The following TTN variants were observed in gnomAD, a reference collection of about 807,000 sequenced individuals.
The protein encoded by TTN is titin, also known as connectin.
A neutral mutation model predicts 3,223.0 loss-of-function variants in TTN; 1,525 were observed. The ratio of observed to expected loss-of-function variants is 0.47; its 90% CI spans 0.45 to 0.49. The LOEUF is 0.49. Among genes scored for constraint, TTN ranks in the 20% least tolerant of loss-of-function variants. The pLI is 0.00. For missense variants in TTN, 40,786 were observed against 43,424.0 expected (o/e 0.94, Z 5.40); for synonymous variants, 14,094 against 15,161.0 (o/e 0.93, Z 5.17).
Position 178,775,929 on chromosome 2 carries a change from A to G in TTN, c.5935T>C (p.Leu1979=), listed in dbSNP as rs776280604. The G allele has an allele frequency of 6.2e-7, 1 of 1,613,956 alleles. No homozygotes were observed. The stretch of plus-strand genomic sequence containing the variant: ...TGGGTAATTCTTTCAGCCCTTTTCA[A>G]CTTCACAACTTCTTTGGTTTCAGTG... ...DTTETKEVVK[L]KRAERITHEK... is the part of the protein sequence containing the mutation. Residue 1979 remains leucine (L), a synonymous_variant, in exon 28 of 363, where the codon TTG becomes CTG. Coordinates refer to ENST00000589042, the MANE Select transcript of TTN (RefSeq NM_001267550.2).
At position 178,551,003 on chromosome 2, in the gene TTN, G is replaced by C; in HGVS notation, c.91528C>G (p.Gln30510Glu). 1 of 1,613,270 alleles carries C rather than the reference G, an allele frequency of 6.2e-7. No homozygotes were observed. Among genetic ancestry groups the C allele is most frequent in the Non-Finnish European group, 8.5e-7 (1 of 1,179,566 alleles). The change falls in exon 336 of 363, where the codon CAG becomes GAG. Residue 30510 changes from glutamine (Q) to glutamate (E), a missense_variant. Gln to Glu is a conservative substitution (Grantham distance 29). Coordinates refer to ENST00000589042, the MANE Select transcript of TTN (RefSeq NM_001267550.2). ...CTTGTCATAATAATGCCAGAAGACT[G>C]TGAGGGCGGGCTTATAGTTCCAACA... is the stretch of plus-strand genomic sequence containing the variant. ...NAVGTISPPS[Q>E]SSGIIMTRDE...
intron 10 of TTN, among the ~76,000 whole-genome samples, chr2:178,791,117 T>G (rs1477922176): frequency 1.3e-5 from 2 of 152,174 alleles, no homozygotes; most frequent in Non-Finnish European, 2.9e-5. Flanking sequence ...ACCCGGTGGG[T>G]GGCTGCTGAC....
chr2:178,633,950 T>G lies in TTN; in HGVS notation c.42549A>C (p.Thr14183=), dbSNP rs756863078. The change falls in exon 231 of 363, where the codon ACA becomes ACC. Residue 14183 remains threonine (T), a synonymous_variant. Transcript: ENST00000589042. ...VWFKNDAKLH[T]SRTVLISSEG... Reference sequence around the variant, plus strand: ...CAGAAGAGATGAGTACTGTTCTGCTTGTATGGAGTTTGGCATCATTTTTGA... The same window carrying G: ...CAGAAGAGATGAGTACTGTTCTGCTGGTATGGAGTTTGGCATCATTTTTGA... The G allele has an allele frequency of 6.2e-7, 1 of 1,613,438 alleles. No individual in the cohort carries two copies.
At position 178,607,785 on chromosome 2, in the gene TTN, CTT is replaced by C; in HGVS notation, c.53000_53001del (p.Gln17667ArgfsTer24). ...ATTTTATTCCAATAACGTTAAGTAC[CTT>C]GTGGTTCAGCCACAGTAACAGGTTG... ...ETQPVTVAEP[Q>X]EPPAVELDVS... is the part of the protein sequence containing the mutation. On this transcript the variant is annotated frameshift_variant and splice_region_variant, in exon 276 of 363. Transcript: ENST00000589042. LOFTEE classifies it high-confidence loss of function. 6.2e-7 allele frequency: 1 copy of C among 1,612,846 alleles called. No individual in the cohort carries two copies. Among genetic ancestry groups the C allele is most frequent in the Non-Finnish European group, 8.5e-7 (1 of 1,179,288 alleles).
At position 178,684,698 on chromosome 2, in the gene TTN, A is replaced by C. The variant is rs1390148422; in HGVS notation, c.32606T>G (p.Val10869Gly). The change falls in exon 131 of 363, where the codon GTC (valine) becomes GGC (glycine). Residue 10869 changes from valine to glycine, a missense_variant. Coordinates refer to ENST00000589042, the MANE Select transcript of TTN (RefSeq NM_001267550.2). ...PVPEKKVPPK[V>G]IKMEEPLPAK... Reference sequence around the variant, plus strand: ...TGGGAGAGGTTCTTCCATCTTAATGACTTTTGGAGGAACCTTTTTTTCTGG... The same window carrying C: ...TGGGAGAGGTTCTTCCATCTTAATGCCTTTTGGAGGAACCTTTTTTTCTGG... The C allele has an allele frequency of 6.2e-7, 1 of 1,613,098 alleles. No homozygotes were observed. The highest frequency in any genetic ancestry group is 8.5e-7 in the Non-Finnish European group (1 of 1,179,624).
At chr2:178,691,066 T>A (rs2154279424) in intron 121 of TTN, among the ~76,000 whole-genome samples, 1 of 152,292 alleles carries the variant, frequency 6.6e-6, no homozygotes, top group Middle Eastern at 3.4e-3. Flanking sequence ...ATGACCTTTG[T>A]ATTTAATGGT....
intron 41 of TTN, among the ~76,000 whole-genome samples, chr2:178,765,430 G>T (rs2090198628): frequency 6.6e-6 from 1 of 152,162 alleles, no homozygotes; most frequent in Admixed American, 6.5e-5. Flanking sequence ...GACCTGGTTA[G>T]TTCATGGAAC....
Position 178,727,661 on chromosome 2 carries a change from A to T in TTN, c.19917T>A (p.Ser6639=). 6.2e-7 allele frequency: 1 copy of T among 1,613,042 alleles called. No homozygotes were observed. The highest frequency in any genetic ancestry group is 8.5e-7 in the Non-Finnish European group (1 of 1,179,312). The change falls in exon 68 of 363, where the codon TCT becomes TCA. Residue 6639 remains serine (S), a synonymous_variant. Coordinates refer to ENST00000589042, the MANE Select transcript of TTN (RefSeq NM_001267550.2). ...SFLNLYSVDA[S]KTGQYTCHVT... Reference sequence around the variant, plus strand: ...CATGGCAAGTATACTGTCCAGTCTTAGAAGCATCCACTGAGTAGAGATTTA... The same window carrying T: ...CATGGCAAGTATACTGTCCAGTCTTTGAAGCATCCACTGAGTAGAGATTTA...
chr2:178,689,627 AT>A, intron 122 of TTN, 32 bp from the exon 123 acceptor site: 2 of 1,569,772 alleles, frequency 1.3e-6, no homozygotes, highest in Non-Finnish European at 1.7e-6. Flanking sequence ...TTGACTTTAT[AT>A]TTTCTAAAGT....
chr2:178,784,905 T>C (rs2093055077), intron 15 of TTN, among the ~76,000 whole-genome samples: 1 of 152,230 alleles, frequency 6.6e-6, no homozygotes, highest in Non-Finnish European at 1.5e-5. Context: ...AAATCAAATA[T>C]AGGCATTATA....
At position 178,526,934 on chromosome 2, in the gene TTN, C is replaced by T; in HGVS notation, c.*78G>A. Reference sequence around the variant, plus strand: ...CTACTTTTTTTTCTTTAAATATTTACAGTTCAGAAAGATTAGTCCGTGTGA... The same window carrying T: ...CTACTTTTTTTTCTTTAAATATTTATAGTTCAGAAAGATTAGTCCGTGTGA... On this transcript the variant is annotated 3_prime_UTR_variant, in exon 363 of 363. Transcript: ENST00000589042. 2 of 1,302,886 alleles carry T rather than the reference C, an allele frequency of 1.5e-6. No individual in the cohort carries two copies. Among genetic ancestry groups the T allele is most frequent in the African/African-American group, 1.5e-5 (1 of 67,094 alleles). 80.7% of individuals were successfully genotyped at this position (1,302,886 alleles called of 1,614,324 possible).
At position 178,776,692 on chromosome 2, in the gene TTN, G is replaced by T. The variant is rs2154346258; in HGVS notation, c.5172C>A (p.Cys1724Ter). Residue 1724 changes from cysteine (C) to a stop codon, truncating the protein, a stop_gained, in exon 28 of 363, where the codon TGC becomes TGA. Coordinates refer to ENST00000589042, the MANE Select transcript of TTN (RefSeq NM_001267550.2). LOFTEE classifies it high-confidence loss of function. Reference protein sequence around the residue: ...LKRFGPAHFECRLTPIGDPTM... With the variant: ...LKRFGPAHFE ...TTGGGTCACCAATGGGTGTTAGCCT[G>T]CATTCAAAGTGGGCAGGCCCAAAGC... The T allele has an allele frequency of 1.2e-6, 2 of 1,614,116 alleles. No individual in the cohort carries two copies. The highest frequency in any genetic ancestry group is 1.7e-6 in the Non-Finnish European group (2 of 1,180,022).
Position 178,543,350 on chromosome 2 carries a change from T to C in TTN, c.96623A>G (p.Lys32208Arg). Residue 32208 changes from lysine (K) to arginine (R), a missense_variant, in exon 347 of 363, where the codon AAG becomes AGG. Lys to Arg is a conservative substitution (Grantham distance 26). Transcript: ENST00000589042. ...LVSEVPLVPAKLEVVDVTKST... is the reference protein window; with the variant it reads ...LVSEVPLVPARLEVVDVTKST... The stretch of plus-strand genomic sequence containing the variant: ...TTTGGTGACATCGACCACTTCTAGC[T>C]TTGCAGGCACCAAAGGCACTTCTGA... 6.2e-7 allele frequency: 1 copy of C among 1,613,844 alleles called. No individual in the cohort carries two copies. Among genetic ancestry groups the C allele is most frequent in the Non-Finnish European group, 8.5e-7 (1 of 1,179,800 alleles).
intron 121 of TTN, among the ~76,000 whole-genome samples, chr2:178,690,824 ATTTGTT>A (rs2072219804): frequency 1.3e-5 from 2 of 152,078 alleles, no homozygotes; most frequent in South Asian, 4.1e-4. Context: ...TACTATGTGT[ATTTGTT>A]TTTATGAGTA....
chr2:178,532,828 C>A lies in TTN; in HGVS notation c.103787G>T (p.Arg34596Leu). 1 of 1,613,886 alleles carries A rather than the reference C, an allele frequency of 6.2e-7. No homozygotes were observed. The highest frequency in any genetic ancestry group is 1.1e-5 in the South Asian group (1 of 91,068). ...ATAGAACTGTTCCCATCTTGAAAGG[C>A]GGATGCGCTTGGGTCGTTTCTGTAC... ...RVVQKRPKRIRLSRWEQFYVM... is the reference protein window; with the variant it reads ...RVVQKRPKRILLSRWEQFYVM... The change falls in exon 358 of 363, where the codon CGC (arginine) becomes CTC (leucine). Residue 34596 changes from arginine (R) to leucine (L), a missense_variant. Arg to Leu is a moderately radical substitution (Grantham distance 102). Transcript: ENST00000589042.
chr2:178,675,081 G>T lies in TTN; in HGVS notation c.34570C>A (p.Arg11524=). 6.4e-7 allele frequency: 1 copy of T among 1,558,616 alleles called. No homozygotes were observed. The highest frequency in any genetic ancestry group is 1.4e-5 in the African/African-American group (1 of 71,178). ...TCCTCTTCTTTAGGGAGAATGATTC[G>T]TTTTTCTTCCACCTTCTTAGGCACC... is the stretch of plus-strand genomic sequence containing the variant. ...PEVPKKVEEK[R]IILPKEEEVL... is the part of the protein sequence containing the mutation. The change falls in exon 150 of 363, where the codon CGA becomes AGA. Residue 11524 remains arginine, a synonymous_variant. Coordinates refer to ENST00000589042, the MANE Select transcript of TTN (RefSeq NM_001267550.2).
In TTN at chr2:178,533,014, C is replaced by G; in HGVS notation, c.103601G>C (p.Arg34534Thr). The change falls in exon 358 of 363, where the codon AGA becomes ACA. Residue 34534 changes from arginine to threonine, a missense_variant. Coordinates refer to ENST00000589042, the MANE Select transcript of TTN (RefSeq NM_001267550.2). The stretch of plus-strand genomic sequence containing the variant: ...TACATCATAAGGCATCCGGAGTTTT[C>G]TCTCCTCCTTCTTTTCTTCTATCTC... The part of the protein sequence containing the change: ...RLEIEEKKEE[R>T]KLRMPYDVPE... 1 of 1,613,780 alleles carries G rather than the reference C, an allele frequency of 6.2e-7. No homozygotes were observed. Among genetic ancestry groups the G allele is most frequent in the Non-Finnish European group, 8.5e-7 (1 of 1,179,846 alleles).
chr2:178,668,201 T>C (rs1262091328), intron 159 of TTN, among the ~76,000 whole-genome samples: 1 of 152,058 alleles, frequency 6.6e-6, no homozygotes, highest in Non-Finnish European at 1.5e-5. Context: ...GTAAAAGCCA[T>C]TTAGGGTTTG....
rs568516434 is a variant in TTN at position 178,613,075 on chromosome 2, G to A, written c.49649-3C>T. 10 of 1,612,366 alleles carry A rather than the reference G, an allele frequency of 6.2e-6. No individual in the cohort carries two copies. The highest frequency in any genetic ancestry group is 1.7e-5 in the Admixed American group (1 of 59,882). On this transcript the variant is annotated splice_region_variant and splice_polypyrimidine_tract_variant and intron_variant, in intron 264 of 362. Coordinates refer to ENST00000589042, the MANE Select transcript of TTN (RefSeq NM_001267550.2). Reference sequence around the variant, plus strand: ...TTTTCCAGGGGGCCATGGAGGATCTGCAAGCCAATGAAATCATTGTTTAGG... The same window carrying A: ...TTTTCCAGGGGGCCATGGAGGATCTACAAGCCAATGAAATCATTGTTTAGG...
Sources: allele counts gnomAD v4.1 joint callset (sites outside exome capture counted in the v4.1 genomes callset), GRCh38; gene constraint gnomAD v4.1.1; transcripts MANE v1.5; gene names NCBI Gene and HGNC (gene_info 2026-07-23, HGNC 2026-07-21).